UNC13C: variants seen among roughly 807,000 people sequenced by gnomAD.
UNC13C encodes the protein unc-13 homolog C.
Under a neutral mutation model 245.4 loss-of-function variants are expected in UNC13C, and 174 were observed. The observed-to-expected ratio is 0.71, with a 90% CI of 0.63 to 0.80. The LOEUF (loss-of-function observed/expected upper bound fraction) is 0.80. UNC13C is among the 30% of genes least tolerant of loss of function. The pLI is 0.00. For synonymous variants in UNC13C, 992 were observed against 895.1 expected (o/e 1.11, Z -1.93); for missense variants, 2,829 against 2,602.9 (o/e 1.09, Z -1.89).
chr15:53,851,436 A>G, the UNC13C span, among the ~76,000 whole-genome samples: 1 of 152,106 alleles, frequency 6.6e-6, no homozygotes, highest in Non-Finnish European at 1.5e-5. Context: ...TTTTTAATGA[A>G]TACTCTTTTT....
chr15:53,917,279 A>T, the UNC13C span, among the ~76,000 whole-genome samples: 1 of 152,226 alleles, frequency 6.6e-6, no homozygotes, highest in Non-Finnish European at 1.5e-5. Context: ...AGTTGGGTGC[A>T]GCTGAAACCT....
At chr15:54,312,787 G>A (rs1427743539) in intron 13 of UNC13C, among the ~76,000 whole-genome samples, 2 of 151,754 alleles carry the variant, frequency 1.3e-5, no homozygotes, top group Non-Finnish European at 2.9e-5. Context: ...CTCTGATAAA[G>A]GGGGCAGACA....
chr15:53,964,738 C>G, the UNC13C span, among the ~76,000 whole-genome samples: 13 of 152,112 alleles, frequency 8.5e-5, no homozygotes, highest in Admixed American at 8.5e-4. Flanking sequence ...TTAAAAAACA[C>G]TCCAAGTAAT....
rs909172623 is a variant in UNC13C at position 54,444,210 on chromosome 15, G to A, written c.4933+29143G>A. 3.3e-5 allele frequency among the ~76,000 whole-genome samples: 5 copies of A among 151,492 alleles called. No homozygotes were observed. In the East Asian group the frequency reaches 9.7e-4, roughly 29 times the overall value. On this transcript the variant is annotated intron_variant, in intron 19 of 32. Transcript: ENST00000260323. ...AGTATGTTTTATCTTGTGTAAATAT[G>A]ACTTCTCCTGCTCAATTTCGGTTGT...
chr15:54,023,540 G>A (rs557425657), intron 2 of UNC13C, among the ~76,000 whole-genome samples: 2 of 152,160 alleles, frequency 1.3e-5, no homozygotes, highest in Non-Finnish European at 1.5e-5. Context: ...TTTATTAGGG[G>A]TGAAGAAGTT....
chr15:53,973,303 C>G (rs1595667202), upstream of UNC13C, among the ~76,000 whole-genome samples: 1 of 151,994 alleles, frequency 6.6e-6, no homozygotes, highest in Non-Finnish European at 1.5e-5. Context: ...TTGATTATTG[C>G]TAGCTAATAT....
intron 2 of UNC13C, among the ~76,000 whole-genome samples, chr15:54,130,528 G>A (rs936174454): frequency 1.3e-5 from 2 of 151,898 alleles, no homozygotes; most frequent in Admixed American, 6.6e-5. Flanking sequence ...TCCTGACCTC[G>A]TGATCCACCC....
chr15:54,629,668 T>A (rs1901406577), downstream of UNC13C: 1 of 152,206 alleles, frequency 6.6e-6, no homozygotes, highest in Non-Finnish European at 1.5e-5. Flanking sequence ...ATTTATGTTA[T>A]AAATATTTTA....
chr15:54,611,551 C>G (rs1008206891), intron 30 of UNC13C: 2 of 152,088 alleles, frequency 1.3e-5, no homozygotes, highest in African/African-American at 4.8e-5. Context: ...CTGAAATAAT[C>G]TCTGGAGGAA....
At chr15:54,277,958 A>C (rs1328149938) in intron 10 of UNC13C, among the ~76,000 whole-genome samples, 1 of 152,134 alleles carries the variant, frequency 6.6e-6, no homozygotes, top group Non-Finnish European at 1.5e-5. Context: ...AGAGTCCTTT[A>C]AGTACAAGTA....
intron 19 of UNC13C, among the ~76,000 whole-genome samples, chr15:54,436,361 G>A (rs2040986781): frequency 1.3e-5 from 2 of 151,922 alleles, no homozygotes; most frequent in Non-Finnish European, 2.9e-5. Context: ...ACATGCACAT[G>A]TATGTTTATT....
chr15:54,347,694 T>A (rs953957222), intron 17 of UNC13C, among the ~76,000 whole-genome samples: 10 of 152,120 alleles, frequency 6.6e-5, no homozygotes, highest in Non-Finnish European at 1.2e-4. Flanking sequence ...CAGAGGAAAA[T>A]GTGCTACCTA....
intron 30 of UNC13C, among the ~76,000 whole-genome samples, chr15:54,580,655 CTT>C (rs933347750): frequency 2.6e-5 from 4 of 152,202 alleles, no homozygotes; most frequent in African/African-American, 9.7e-5. Context: ...CCATGAAACA[CTT>C]TGCACATAGA....
intron 2 of UNC13C, among the ~76,000 whole-genome samples, chr15:54,082,070 A>G (rs1329761062): frequency 2.0e-5 from 3 of 152,168 alleles, no homozygotes; most frequent in African/African-American, 7.2e-5. Flanking sequence ...TATAAAATGC[A>G]TGAATGTCAT....
intron 4 of UNC13C, among the ~76,000 whole-genome samples, chr15:54,179,458 T>C (rs555559556): frequency 6.6e-6 from 1 of 152,202 alleles, no homozygotes; most frequent in African/African-American, 2.4e-5. Flanking sequence ...AACAGGTTGA[T>C]ATTCTAGAGC....
At chr15:54,061,852 C>A (rs1034693084) in intron 2 of UNC13C, among the ~76,000 whole-genome samples, 2 of 152,026 alleles carry the variant, frequency 1.3e-5, no homozygotes, top group African/African-American at 2.4e-5. Context: ...ACTTTCTTTC[C>A]CCTTCATTCT....
intron 17 of UNC13C, among the ~76,000 whole-genome samples, chr15:54,338,817 C>A (rs1245754135): frequency 6.6e-6 from 1 of 152,116 alleles, no homozygotes; most frequent in Non-Finnish European, 1.5e-5. Context: ...ATTCCAACTC[C>A]TGTTTCTATG....
At chr15:54,226,190 G>C (rs748649933) in intron 4 of UNC13C, among the ~76,000 whole-genome samples, 1 of 152,184 alleles carries the variant, frequency 6.6e-6, no homozygotes, top group Non-Finnish European at 1.5e-5. Flanking sequence ...TTTGTGTGCT[G>C]CTGGATTCAG....
At chr15:54,574,628 C>G (rs1204383513) in intron 30 of UNC13C, among the ~76,000 whole-genome samples, 2 of 152,118 alleles carry the variant, frequency 1.3e-5, no homozygotes, top group Non-Finnish European at 2.9e-5. Context: ...ATCACAAAAG[C>G]TTTACACAGA....
Sources: allele counts gnomAD v4.1 joint callset (sites outside exome capture counted in the v4.1 genomes callset), GRCh38; gene constraint gnomAD v4.1.1; transcripts MANE v1.5; gene names NCBI Gene and HGNC (gene_info 2026-07-23, HGNC 2026-07-21).